The following ZFAT variants were observed in gnomAD, a reference collection of about 807,000 sequenced individuals.
ZFAT encodes the protein zinc finger and AT-hook domain containing.
ZFAT carries 64 observed loss-of-function variants against 117.7 expected under a neutral mutation model. The ratio of observed to expected loss-of-function variants is 0.54; its 90% CI spans 0.44 to 0.67. The LOEUF (loss-of-function observed/expected upper bound fraction) is 0.67. Among genes scored for constraint, ZFAT ranks in the 30% least tolerant of loss-of-function variants. The probability of loss-of-function intolerance (pLI) is 0.00; values close to 1 mark genes in which losing one functional copy is unlikely to be tolerated. For missense variants in ZFAT, 1,433 were observed against 1,584.5 expected, an observed-to-expected ratio of 0.90 and a Z score of 1.62; for synonymous variants, 679 against 615.0, an observed-to-expected ratio of 1.10 and a Z score of -1.54.
intron 2 of ZFAT, among the ~76,000 whole-genome samples, chr8:134,644,139 C>A (rs1170075644): frequency 6.6e-6 from 1 of 152,188 alleles, no homozygotes; most frequent in Non-Finnish European, 1.5e-5. Flanking sequence ...TGCCTATTTG[C>A]CATTCACCAG....
intron 13 of ZFAT, among the ~76,000 whole-genome samples, chr8:134,516,769 T>C (rs945080485): frequency 2.6e-5 from 4 of 152,094 alleles, no homozygotes; most frequent in East Asian, 1.9e-4. Flanking sequence ...GGTAAGAGAA[T>C]TGCTTGAGCC....
At chr8:134,600,729 T>A (rs948875955) in intron 6 of ZFAT, 61 bp from the exon 7 acceptor site, 36 of 1,316,450 alleles carry the variant, frequency 2.7e-5, no homozygotes, top group Admixed American at 5.4e-5. Flanking sequence ...TTGAATTTTT[T>A]AAATTATTAT....
At chr8:134,758,081 A>G in the ZFAT span, among the ~76,000 whole-genome samples, 58,673 of 152,084 alleles carry the variant, frequency 0.39, 11,375 homozygotes, top group Admixed American at 0.46. Flanking sequence ...CTAAATCAAG[A>G]GAAGGAAAAA....
chr8:134,675,762 A>C (rs1421093007), intron 1 of ZFAT, among the ~76,000 whole-genome samples: 2 of 152,230 alleles, frequency 1.3e-5, no homozygotes, highest in Admixed American at 1.3e-4. Flanking sequence ...AAACCCTACA[A>C]GCCAGAAGAG....
intron 11 of ZFAT, among the ~76,000 whole-genome samples, chr8:134,549,750 G>C (rs1374111843): frequency 6.6e-6 from 1 of 152,210 alleles, no homozygotes; most frequent in East Asian, 1.9e-4. Flanking sequence ...TCCAGCCTGA[G>C]CTCAGTGGGA....
intron 1 of ZFAT, among the ~76,000 whole-genome samples, chr8:134,687,925 G>A (rs1833406829): frequency 6.6e-6 from 1 of 152,122 alleles, no homozygotes; most frequent in East Asian, 1.9e-4. Context: ...GAAGTAAAGG[G>A]CTGCCTGAAA....
the ZFAT span, among the ~76,000 whole-genome samples, chr8:134,801,422 A>G: frequency 2.0e-5 from 3 of 152,238 alleles, no homozygotes; most frequent in Non-Finnish European, 2.9e-5. Flanking sequence ...ATTTGGAAGT[A>G]AAACTACATA....
chr8:134,811,812 T>C, the ZFAT span, among the ~76,000 whole-genome samples: 6 of 152,308 alleles, frequency 3.9e-5, no homozygotes, highest in African/African-American at 1.2e-4. Flanking sequence ...CTTTGTGAGT[T>C]TGAAAAAGTG....
chr8:134,706,263 T>C lies in ZFAT; in HGVS notation c.19+6582A>G, dbSNP rs145364682. Among the ~76,000 whole-genome samples the C allele has an allele frequency of 4.8e-3, 730 of 152,338 alleles. 7 individuals are homozygous for C. Among genetic ancestry groups the C allele is most frequent in the African/African-American group, 0.016 (682 of 41,584 alleles). ...CAATAACGAAAAACTGGAAATAGAC[T>C]ATGGCTGTATCCACGCAACAGAAAG... On this transcript the variant is annotated intron_variant, in intron 1 of 15. Coordinates refer to ENST00000377838, the MANE Select transcript of ZFAT (RefSeq NM_020863.4).
chr8:134,580,450 T>G (rs1398038967), intron 10 of ZFAT, among the ~76,000 whole-genome samples: 2 of 152,192 alleles, frequency 1.3e-5, no homozygotes, highest in Non-Finnish European at 2.9e-5. Context: ...GACCAATGGA[T>G]TCAAAGCATG....
At chr8:134,737,181 G>C in the ZFAT span, among the ~76,000 whole-genome samples, 2 of 152,142 alleles carry the variant, frequency 1.3e-5, no homozygotes, top group Non-Finnish European at 2.9e-5. Context: ...CCAGGAGGCT[G>C]AGGCAGGAGA....
At chr8:134,614,028 G>T (rs1421498423) in intron 3 of ZFAT, among the ~76,000 whole-genome samples, 1 of 152,196 alleles carries the variant, frequency 6.6e-6, no homozygotes, top group African/African-American at 2.4e-5. Flanking sequence ...TCTGCTAACA[G>T]TATCTTGACT....
chr8:134,746,401 A>G, the ZFAT span, among the ~76,000 whole-genome samples: 7 of 152,226 alleles, frequency 4.6e-5, no homozygotes, highest in African/African-American at 1.4e-4. Context: ...CCGCAAGACC[A>G]TCACCCACCT....
chr8:134,656,898 G>C (rs867094280), intron 2 of ZFAT, among the ~76,000 whole-genome samples: 1 of 152,102 alleles, frequency 6.6e-6, no homozygotes, highest in Non-Finnish European at 1.5e-5. Flanking sequence ...CTGCTGCATC[G>C]GATAACCACA....
intron 7 of ZFAT, 129 bp downstream of exon 7, chr8:134,600,307 T>C: frequency 1.2e-6 from 1 of 865,768 alleles, no homozygotes; most frequent in Non-Finnish European, 2.0e-6. Flanking sequence ...TGCACAGCTG[T>C]GTAAGGAGAA....
chr8:134,612,694 T>C (rs1586817227), intron 3 of ZFAT, among the ~76,000 whole-genome samples: 5 of 152,362 alleles, frequency 3.3e-5, no homozygotes, highest in African/African-American at 1.2e-4. Flanking sequence ...ATATAACTAG[T>C]ATCAGCACTA....
chr8:134,740,317 G>A, the ZFAT span, among the ~76,000 whole-genome samples: 2 of 152,202 alleles, frequency 1.3e-5, no homozygotes, highest in African/African-American at 4.8e-5. Flanking sequence ...TGCTAGACAT[G>A]GGTAAGGAGC....
chr8:134,581,078 C>A (rs1825681009), intron 10 of ZFAT, among the ~76,000 whole-genome samples: 1 of 151,864 alleles, frequency 6.6e-6, no homozygotes, highest in South Asian at 2.1e-4. Flanking sequence ...AAAATATGAG[C>A]ACTACAGAAA....
At chr8:134,564,814 A>G (rs17690490) in intron 11 of ZFAT, among the ~76,000 whole-genome samples, 60,114 of 152,002 alleles carry the variant, frequency 0.4, 13,009 homozygotes, top group South Asian at 0.52. Flanking sequence ...AAGCATTACC[A>G]CCTACACTGA....
Sources: gnomAD v4.1 joint callset for allele counts (sites outside exome capture counted in the v4.1 genomes callset) on GRCh38, gnomAD v4.1.1 for gene constraint, MANE v1.5 for transcripts, NCBI Gene and HGNC (gene_info 2026-07-23, HGNC 2026-07-21) for gene names.